Variants in KIAA0319L observed in about 807,000 individuals in gnomAD.
The protein encoded by KIAA0319L is dyslexia-associated protein KIAA0319-like protein.
In KIAA0319L, 55 loss-of-function variants were observed where a neutral mutation model predicts 120.1. The ratio of observed to expected loss-of-function variants is 0.46; its 90% CI spans 0.37 to 0.57. KIAA0319L has a LOEUF of 0.57. Among genes scored for constraint, KIAA0319L ranks in the 20% least tolerant of loss-of-function variants. The pLI is 0.00. For synonymous variants in KIAA0319L, 398 were observed against 471.9 expected (o/e 0.84, Z 2.03); for missense variants, 1,049 against 1,255.3 (o/e 0.84, Z 2.48).
At chr1:35,502,060 C>G (rs962302684) in intron 3 of KIAA0319L, among the ~76,000 whole-genome samples, 1 of 151,680 alleles carries the variant, frequency 6.6e-6, no homozygotes, top group Non-Finnish European at 1.5e-5. Context: ...AGGCGGATCA[C>G]GAGGTCAGGA....
intron 2 of KIAA0319L, among the ~76,000 whole-genome samples, chr1:35,519,943 G>A (rs1187235097): frequency 2.0e-5 from 3 of 152,066 alleles, no homozygotes; most frequent in African/African-American, 7.2e-5. Flanking sequence ...TGTTCTGAGA[G>A]CTGGGAAAAA....
At chr1:35,449,615 G>C (rs958322661) in intron 15 of KIAA0319L, among the ~76,000 whole-genome samples, 5 of 152,188 alleles carry the variant, frequency 3.3e-5, no homozygotes, top group African/African-American at 9.7e-5. Flanking sequence ...GTGACACTGA[G>C]CAAGTCCTGC....
At position 35,554,330 on chromosome 1, in the gene KIAA0319L, A is replaced by G; in HGVS notation, c.142+20T>C. 1 of 1,520,888 alleles carries G rather than the reference A, an allele frequency of 6.6e-7. No homozygotes were observed. The highest frequency in any genetic ancestry group is 8.8e-7 in the Non-Finnish European group (1 of 1,138,562). 94.2% of individuals were successfully genotyped at this position (1,520,888 alleles called of 1,614,324 possible). On this transcript the variant is annotated intron_variant, in intron 2 of 20. Transcript: ENST00000325722. ...CCTTTTCTAAAAAAAAAAATCTTAAATCTATAAAGAAAATAGTACCTGTTG... is the reference window on the plus strand; with the variant it reads ...CCTTTTCTAAAAAAAAAAATCTTAAGTCTATAAAGAAAATAGTACCTGTTG...
At chr1:35,451,887 C>T (rs1367705823) in intron 12 of KIAA0319L, 111 bp from the exon 13 acceptor site, 2 of 1,105,660 alleles carry the variant, frequency 1.8e-6, no homozygotes, top group Non-Finnish European at 2.6e-6. Context: ...ACTACTGTTA[C>T]CCAGACCTTG....
intron 2 of KIAA0319L, among the ~76,000 whole-genome samples, chr1:35,508,980 G>T (rs1315412892): frequency 6.6e-6 from 1 of 152,084 alleles, no homozygotes; most frequent in Admixed American, 6.6e-5. Flanking sequence ...TAGAAAACTA[G>T]ACAAAATATA....
chr1:35,451,164 G>A (rs1453644215), intron 13 of KIAA0319L, among the ~76,000 whole-genome samples: 1 of 152,180 alleles, frequency 6.6e-6, no homozygotes, highest in Non-Finnish European at 1.5e-5. Context: ...CTAGAGCAAG[G>A]CCTCTGGCTG....
intron 3 of KIAA0319L, among the ~76,000 whole-genome samples, chr1:35,491,712 T>C (rs1315148381): frequency 2.0e-5 from 3 of 151,946 alleles, no homozygotes; most frequent in Admixed American, 1.3e-4. Context: ...CATGGTTCTT[T>C]GAGAAACATT....
chr1:35,435,797 G>C (rs1640739729), intron 20 of KIAA0319L, among the ~76,000 whole-genome samples: 1 of 152,214 alleles, frequency 6.6e-6, no homozygotes, highest in Non-Finnish European at 1.5e-5. Context: ...TATCCCTATA[G>C]ATGCCGAGCG....
intron 15 of KIAA0319L, 41 bp downstream of exon 15, chr1:35,449,826 A>G (rs1441977723): frequency 6.2e-7 from 1 of 1,609,220 alleles, no homozygotes; most frequent in Non-Finnish European, 8.5e-7. Flanking sequence ...TGATTGGCTG[A>G]TTCAGCAATT....
intron 3 of KIAA0319L, among the ~76,000 whole-genome samples, chr1:35,488,000 T>C (rs1001546645): frequency 5.3e-5 from 8 of 152,348 alleles, no homozygotes; most frequent in Non-Finnish European, 2.9e-5. Flanking sequence ...AATTTTCAGA[T>C]GCTTTTTCTA....
intron 2 of KIAA0319L, among the ~76,000 whole-genome samples, chr1:35,522,019 C>T (rs1267923822): frequency 6.6e-6 from 1 of 151,830 alleles, no homozygotes; most frequent in Non-Finnish European, 1.5e-5. Flanking sequence ...AAGATCCATG[C>T]AACCGCTAAA....
At chr1:35,526,926 G>C (rs1422171886) in intron 2 of KIAA0319L, among the ~76,000 whole-genome samples, 1 of 152,042 alleles carries the variant, frequency 6.6e-6, no homozygotes, top group African/African-American at 2.4e-5. Flanking sequence ...AAAATTTAAA[G>C]AATTATTCAG....
At chr1:35,496,213 G>C (rs1405217501) in intron 3 of KIAA0319L, among the ~76,000 whole-genome samples, 2 of 151,862 alleles carry the variant, frequency 1.3e-5, no homozygotes, top group Admixed American at 6.6e-5. Context: ...TGAGGTCAGG[G>C]GTTCGATACC....
At chr1:35,518,691 C>T (rs1645782984) in intron 2 of KIAA0319L, among the ~76,000 whole-genome samples, 1 of 151,984 alleles carries the variant, frequency 6.6e-6, no homozygotes, top group African/African-American at 2.4e-5. Flanking sequence ...TTCAGATGTG[C>T]CCCCGAACCT....
chr1:35,453,411 T>G lies in KIAA0319L; in HGVS notation c.1913+146A>C, dbSNP rs1383755365. On this transcript the variant is annotated intron_variant, in intron 12 of 20. Coordinates refer to ENST00000325722, the MANE Select transcript of KIAA0319L (RefSeq NM_024874.5). The surrounding 1 kb of genome is among the most constrained non-coding windows in gnomAD (Gnocchi z 4.1). ...GATTATAATATCATTTTCTTGGAGT[T>G]GAAGTTTGGAATTGCAAACATTTCT... 1.5e-6 allele frequency: 1 copy of G among 679,474 alleles called. No homozygotes were observed. The highest frequency in any genetic ancestry group is 2.5e-6 in the Non-Finnish European group (1 of 401,858). 42.1% of individuals were successfully genotyped at this position (679,474 alleles called of 1,614,324 possible). A position where few individuals can be genotyped will look rare whatever the true frequency, so the allele number is the denominator to read the frequency against.
Position 35,462,699 on chromosome 1 carries a change from G to A in KIAA0319L, c.1216C>T (p.Arg406Trp), listed in dbSNP as rs772141064. 10 of 1,613,780 alleles carry A rather than the reference G, an allele frequency of 6.2e-6. No homozygotes were observed. The highest frequency in any genetic ancestry group is 4.5e-5 in the East Asian group (2 of 44,890). Residue 406 changes from arginine (R) to tryptophan (W), a missense_variant, in exon 8 of 21, where the codon CGG becomes TGG. Physicochemically the swap from Arg to Trp is moderately radical, Grantham distance 101. Transcript: ENST00000325722. ...VTVKPEPRKN[R>W]PPIAIVSPQF... Reference sequence around the variant, plus strand: ...GGTGACACAATAGCAATGGGGGGCCGATTCTTACGGGGCTCTGCAAGAAAG... The same window carrying A: ...GGTGACACAATAGCAATGGGGGGCCAATTCTTACGGGGCTCTGCAAGAAAG...
At chr1:35,557,593 C>T (rs1648315806), upstream of KIAA0319L, 1 of 440,160 alleles carries the variant, frequency 2.3e-6, no homozygotes, top group African/African-American at 2.0e-5. Context: ...GCCCGCTCTC[C>T]AGAGGCAGTC....
chr1:35,479,676 C>G (rs995103020), intron 3 of KIAA0319L, among the ~76,000 whole-genome samples: 3 of 152,096 alleles, frequency 2.0e-5, no homozygotes, highest in Non-Finnish European at 4.4e-5. Flanking sequence ...GAGGCCAAGA[C>G]AGGAGACCAC....
Position 35,504,203 on chromosome 1 carries a change from CT to C in KIAA0319L, c.666+2408del, listed in dbSNP as rs924758114. Among the ~76,000 whole-genome samples, 263 of 127,048 alleles carry C rather than the reference CT, an allele frequency of 2.1e-3. 2 individuals are homozygous for C. Among genetic ancestry groups the C allele is most frequent in the Non-Finnish European group, 2.9e-3 (168 of 58,630 alleles). The allele number at this position is 127,048 out of a possible 152,430, so 83.3% of individuals were successfully genotyped here. A position where few individuals can be genotyped will look rare whatever the true frequency, so the allele number is the denominator to read the frequency against. ...GCCCAGCCCCTTATGATTTTCTTCC[CT>C]TTTTTTTTTTGAGACAGAGTCTTAC... is the stretch of plus-strand genomic sequence containing the variant. On this transcript the variant is annotated intron_variant, in intron 3 of 20. Transcript: ENST00000325722.
Sources: allele counts gnomAD v4.1 joint callset (sites outside exome capture counted in the v4.1 genomes callset), GRCh38; gene constraint gnomAD v4.1.1; non-coding constraint Gnocchi (gnomAD v3.1); transcripts MANE v1.5; gene names NCBI Gene and HGNC (gene_info 2026-07-23, HGNC 2026-07-21).